Variants in BCAR3 observed in about 807,000 individuals in gnomAD.
BCAR3 encodes the protein breast cancer anti-estrogen resistance protein 3.
Under a neutral mutation model 80.1 loss-of-function variants are expected in BCAR3, and 37 were observed. That is an observed-to-expected ratio of 0.46 (90% CI 0.36 to 0.61). The LOEUF is 0.61. BCAR3 is among the 20% of genes least tolerant of loss of function. The pLI is 0.00. For missense variants in BCAR3, 978 were observed against 1,068.2 expected, an observed-to-expected ratio of 0.92 and a Z score of 1.18; for synonymous variants, 389 against 418.9, an observed-to-expected ratio of 0.93 and a Z score of 0.87.
intron 3 of BCAR3, among the ~76,000 whole-genome samples, chr1:93,703,760 C>T (rs529597827): frequency 2.4e-4 from 36 of 152,268 alleles, no homozygotes; most frequent in African/African-American, 6.3e-4. Flanking sequence ...GGAGATACAG[C>T]GGTGAGCAAG....
intron 2 of BCAR3, among the ~76,000 whole-genome samples, chr1:93,730,812 C>T (rs1650759785): frequency 6.6e-6 from 1 of 152,230 alleles, no homozygotes; most frequent in Non-Finnish European, 1.5e-5. Context: ...GAGCTTACCT[C>T]CTTCCCCCAC....
chr1:93,734,117 A>T (rs1272573166), intron 2 of BCAR3, among the ~76,000 whole-genome samples: 1 of 152,244 alleles, frequency 6.6e-6, no homozygotes, highest in Non-Finnish European at 1.5e-5. Context: ...TGGCCTCTTC[A>T]GATGGAGTTC....
At chr1:93,747,198 C>T (rs1163553258) in intron 2 of BCAR3, among the ~76,000 whole-genome samples, 2 of 152,198 alleles carry the variant, frequency 1.3e-5, no homozygotes, top group African/African-American at 4.8e-5. Flanking sequence ...AGGGTGCACA[C>T]ATGCAACCTT....
At chr1:93,646,920 TATTAC>T (rs1676162304) in intron 2 of BCAR3, among the ~76,000 whole-genome samples, 1 of 152,344 alleles carries the variant, frequency 6.6e-6, no homozygotes, top group Non-Finnish European at 1.5e-5. Context: ...CTAGGTAAAC[TATTAC>T]ATTAATCAGA....
intron 2 of BCAR3, among the ~76,000 whole-genome samples, chr1:93,797,621 A>G (rs537360724): frequency 6.6e-6 from 1 of 152,206 alleles, no homozygotes; most frequent in East Asian, 1.9e-4. Context: ...CCTGGGGCCA[A>G]GTAATAGGAA....
intron 2 of BCAR3, chr1:93,646,535 G>C (rs1175864940): frequency 1.3e-5 from 2 of 151,154 alleles, no homozygotes; most frequent in African/African-American, 4.9e-5. Flanking sequence ...CTGGGAGGCA[G>C]AGGTTGCGGC....
chr1:93,617,316 G>C (rs1016566539), intron 3 of BCAR3, among the ~76,000 whole-genome samples: 1 of 152,172 alleles, frequency 6.6e-6, no homozygotes, highest in Non-Finnish European at 1.5e-5. Flanking sequence ...AGAAAGATAT[G>C]CCTGCTAGGT....
intron 3 of BCAR3, among the ~76,000 whole-genome samples, chr1:93,596,431 C>T (rs1204000583): frequency 6.6e-6 from 1 of 152,166 alleles, no homozygotes; most frequent in Non-Finnish European, 1.5e-5. Context: ...CTTCTGAACT[C>T]AATGTGCTTT....
intron 2 of BCAR3, among the ~76,000 whole-genome samples, chr1:93,825,405 T>A (rs1654340685): frequency 7.5e-6 from 1 of 133,506 alleles, no homozygotes; most frequent in Non-Finnish European, 1.7e-5. Flanking sequence ...TTCTCCCTCT[T>A]ACCTACAGGG....
At chr1:93,807,149 A>G (rs1396803487) in intron 2 of BCAR3, among the ~76,000 whole-genome samples, 3 of 152,174 alleles carry the variant, frequency 2.0e-5, no homozygotes, top group Admixed American at 2.0e-4. Context: ...TTAGAAGAGC[A>G]TATGTCTTTG....
At chr1:93,744,813 A>G (rs938846975) in intron 2 of BCAR3, among the ~76,000 whole-genome samples, 4 of 152,202 alleles carry the variant, frequency 2.6e-5, no homozygotes, top group African/African-American at 9.7e-5. Context: ...TGTCTTCCCC[A>G]CGAGGAAATC....
At chr1:93,585,915 T>G (rs1240219183) in intron 5 of BCAR3, among the ~76,000 whole-genome samples, 3 of 152,074 alleles carry the variant, frequency 2.0e-5, no homozygotes, top group Admixed American at 2.0e-4. Flanking sequence ...ATTTTTATAT[T>G]TAAAAAATTT....
chr1:93,754,492 G>A (rs1187609976), intron 2 of BCAR3: 2 of 152,210 alleles, frequency 1.3e-5, no homozygotes, highest in Admixed American at 1.3e-4. Flanking sequence ...ATATCTCAGA[G>A]GTGAAATTGA....
chr1:93,721,665 A>G (rs1397279835), intron 2 of BCAR3, among the ~76,000 whole-genome samples: 1 of 152,168 alleles, frequency 6.6e-6, no homozygotes, highest in East Asian at 1.9e-4. Context: ...CCCCTCACCA[A>G]GCCCATTCTC....
At chr1:93,662,863 A>C (rs993419486) in intron 2 of BCAR3, among the ~76,000 whole-genome samples, 1 of 152,218 alleles carries the variant, frequency 6.6e-6, no homozygotes, top group Non-Finnish European at 1.5e-5. Flanking sequence ...GATCGATGTC[A>C]AGCTTATCAT....
At position 93,582,345 on chromosome 1, in the gene BCAR3, C is replaced by G; in HGVS notation, c.1642G>C (p.Asp548His). Residue 548 changes from aspartate (D) to histidine (H), a missense_variant, in exon 7 of 12, where the codon GAC becomes CAC. Transcript: ENST00000260502. ...ACGTGCTGGGCGATGACCTTGGGGT[C>G]GTTGTTGGTGAACAGTTCTTTTGCA... Reference protein sequence around the residue: ...KRAKELFTNNDPKVIAQHVLS... With the variant: ...KRAKELFTNNHPKVIAQHVLS... 6.2e-7 allele frequency: 1 copy of G among 1,614,158 alleles called. No individual in the cohort carries two copies. Among genetic ancestry groups the G allele is most frequent in the Middle Eastern group, 1.6e-4 (1 of 6,062 alleles).
chr1:93,640,620 A>G (rs1675947760), intron 3 of BCAR3, among the ~76,000 whole-genome samples: 1 of 152,228 alleles, frequency 6.6e-6, no homozygotes, highest in Admixed American at 6.5e-5. Flanking sequence ...GATAAACAGA[A>G]GCCACTGACA....
intron 2 of BCAR3, among the ~76,000 whole-genome samples, chr1:93,770,357 G>A (rs916657667): frequency 6.6e-6 from 1 of 152,104 alleles, no homozygotes; most frequent in Admixed American, 6.5e-5. Flanking sequence ...GAGTGCCTCT[G>A]CTCTGATCCT....
chr1:93,756,392 C>T (rs1288434912), intron 2 of BCAR3, among the ~76,000 whole-genome samples: 3 of 152,172 alleles, frequency 2.0e-5, no homozygotes, highest in Admixed American at 6.5e-5. Context: ...ACCCTGAAGT[C>T]GTCCAGAACC....
Sources: gnomAD v4.1 joint callset for allele counts (sites outside exome capture counted in the v4.1 genomes callset) on GRCh38, gnomAD v4.1.1 for gene constraint, MANE v1.5 for transcripts, NCBI Gene and HGNC (gene_info 2026-07-23, HGNC 2026-07-21) for gene names.